Variants in AKAP13 observed in about 807,000 individuals in gnomAD.
AKAP13 encodes A-kinase anchoring protein 13.
AKAP13 carries 80 observed loss-of-function variants against 264.5 expected under a neutral mutation model. That is an observed-to-expected ratio of 0.30 (90% CI 0.25 to 0.36). AKAP13 has a LOEUF of 0.36. Among genes scored for constraint, AKAP13 ranks in the 10% least tolerant of loss-of-function variants. The probability of loss-of-function intolerance (pLI) is 1.00; values close to 1 mark genes in which losing one functional copy is unlikely to be tolerated. For synonymous variants in AKAP13, 1,380 were observed against 1,250.2 expected (o/e 1.10, Z -2.19); for missense variants, 3,712 against 3,435.2 (o/e 1.08, Z -2.01).
At chr15:85,671,055 A>C (rs1481196329) in intron 14 of AKAP13, 1 of 152,026 alleles carries the variant, frequency 6.6e-6, no homozygotes, top group African/African-American at 2.4e-5. Context: ...AGTGAGTGAT[A>C]CATTATGTTC....
At chr15:85,483,975 T>G (rs183273732) in intron 1 of AKAP13, among the ~76,000 whole-genome samples, 15 of 152,302 alleles carry the variant, frequency 9.8e-5, no homozygotes, top group African/African-American at 3.6e-4. Context: ...ACTCTTTTAA[T>G]TTTTGTGGCT....
intron 1 of AKAP13, among the ~76,000 whole-genome samples, chr15:85,399,489 CGA>C (rs1348346209): frequency 9.7e-6 from 1 of 103,334 alleles, no homozygotes; most frequent in Non-Finnish European, 1.8e-5. Flanking sequence ...GGCGACAGAG[CGA>C]GACTCCGTCT....
intron 1 of AKAP13, among the ~76,000 whole-genome samples, chr15:85,419,070 T>G (rs1253070307): frequency 6.6e-6 from 1 of 152,238 alleles, no homozygotes; most frequent in Non-Finnish European, 1.5e-5. Flanking sequence ...ATTAGAACCA[T>G]TATTTCCAGA....
intron 1 of AKAP13, among the ~76,000 whole-genome samples, chr15:85,441,592 C>G (rs1432007675): frequency 1.3e-5 from 2 of 152,004 alleles, no homozygotes; most frequent in Non-Finnish European, 2.9e-5. Flanking sequence ...GCCAAGATCA[C>G]AAAGATTTTC....
intron 8 of AKAP13, among the ~76,000 whole-genome samples, chr15:85,637,962 G>C (rs944635708): frequency 2.1e-5 from 3 of 141,650 alleles, no homozygotes; most frequent in Non-Finnish European, 4.5e-5. Context: ...TGCAAGCTTT[G>C]CCTCCCGGGT....
At chr15:85,545,794 ATTTTGTTATTGG>A (rs1289768862) in intron 5 of AKAP13, among the ~76,000 whole-genome samples, 3 of 152,216 alleles carry the variant, frequency 2.0e-5, no homozygotes, top group Admixed American at 2.0e-4. Context: ...AAGAATGATC[ATTTTGTTATTGG>A]TTTTCTTTTC....
At chr15:85,629,678 T>C (rs2081597490) in intron 8 of AKAP13, among the ~76,000 whole-genome samples, 1 of 151,664 alleles carries the variant, frequency 6.6e-6, no homozygotes, top group Non-Finnish European at 1.5e-5. Context: ...CAACATGCCT[T>C]CTCAGGGGTA....
chr15:85,742,509 CT>C (rs1441018726), intron 35 of AKAP13, among the ~76,000 whole-genome samples: 1 of 152,144 alleles, frequency 6.6e-6, no homozygotes, highest in Non-Finnish European at 1.5e-5. Flanking sequence ...GCCGCCACTC[CT>C]CTCGTGGATG....
At chr15:85,725,783 G>A (rs2151738554) in intron 26 of AKAP13, among the ~76,000 whole-genome samples, 1 of 152,348 alleles carries the variant, frequency 6.6e-6, no homozygotes, top group South Asian at 2.1e-4. Context: ...TAGAGGATTA[G>A]TCAGAGCTAG....
chr15:85,481,771 T>C (rs2075359852), intron 1 of AKAP13, among the ~76,000 whole-genome samples: 1 of 152,180 alleles, frequency 6.6e-6, no homozygotes, highest in South Asian at 2.1e-4. Context: ...ACCTGTAGGG[T>C]TCCACTGTGT....
intron 8 of AKAP13, among the ~76,000 whole-genome samples, chr15:85,593,262 A>G (rs1021868920): frequency 3.3e-5 from 5 of 152,174 alleles, no homozygotes; most frequent in Non-Finnish European, 7.3e-5. Context: ...CAGTGAGCCA[A>G]GATTGCACCA....
At chr15:85,630,066 C>G (rs2081634365) in intron 8 of AKAP13, among the ~76,000 whole-genome samples, 1 of 151,952 alleles carries the variant, frequency 6.6e-6, no homozygotes, top group South Asian at 2.1e-4. Context: ...TTTGACTTCT[C>G]TGCAGCAGCT....
chr15:85,455,934 G>A (rs1329983841), intron 1 of AKAP13, among the ~76,000 whole-genome samples: 2 of 152,188 alleles, frequency 1.3e-5, no homozygotes, highest in Non-Finnish European at 2.9e-5. Flanking sequence ...AAGTCAGATA[G>A]TGTGACTTAT....
At position 85,619,610 on chromosome 15, in the gene AKAP13, C is replaced by T. The variant is rs73452484; in HGVS notation, c.4162-19764C>T. On this transcript the variant is annotated intron_variant, in intron 8 of 36. Coordinates refer to ENST00000394518, the MANE Select transcript of AKAP13 (RefSeq NM_007200.5). ...TTTTCATGCCATCGCTTTGAAATAG[C>T]GTCGTCTTCCTTTCTTTCTCTCCCT... 8.3e-3 allele frequency: 8,221 copies of T among 985,684 alleles called. 507 individuals are homozygous for T. The African/African-American group carries it at 0.13, about 16-fold the overall frequency. 61.1% of individuals were successfully genotyped at this position (985,684 alleles called of 1,614,324 possible). A position where few individuals can be genotyped will look rare whatever the true frequency, so the allele number is the denominator to read the frequency against.
chr15:85,552,989 A>G (rs1441545385), intron 5 of AKAP13, among the ~76,000 whole-genome samples: 1 of 152,052 alleles, frequency 6.6e-6, no homozygotes, highest in Non-Finnish European at 1.5e-5. Context: ...AATATCTACA[A>G]TTTAAAAAAT....
At chr15:85,650,675 G>A (rs1234239318) in intron 10 of AKAP13, among the ~76,000 whole-genome samples, 5 of 133,714 alleles carry the variant, frequency 3.7e-5, no homozygotes, top group African/African-American at 8.6e-5. Flanking sequence ...AGAATCATTC[G>A]AACCTGGGAG....
chr15:85,522,829 C>G (rs1371496109), intron 3 of AKAP13, among the ~76,000 whole-genome samples: 1 of 152,062 alleles, frequency 6.6e-6, no homozygotes, highest in Non-Finnish European at 1.5e-5. Flanking sequence ...GGCTTTTCTT[C>G]TGTTTTCTGC....
chr15:85,583,787 C>T (rs2079221204), intron 7 of AKAP13, among the ~76,000 whole-genome samples: 1 of 152,112 alleles, frequency 6.6e-6, no homozygotes, highest in Non-Finnish European at 1.5e-5. Context: ...TTTATTAGCA[C>T]ATATAGTAAA....
intron 8 of AKAP13, among the ~76,000 whole-genome samples, chr15:85,595,517 A>G (rs1004223139): frequency 6.6e-6 from 1 of 152,246 alleles, no homozygotes; most frequent in African/African-American, 2.4e-5. Context: ...AATGCAGTAT[A>G]TGAGACATGT....
Sources: allele counts gnomAD v4.1 joint callset (sites outside exome capture counted in the v4.1 genomes callset), GRCh38; gene constraint gnomAD v4.1.1; transcripts MANE v1.5; gene names NCBI Gene and HGNC (gene_info 2026-07-23, HGNC 2026-07-21).